GDAP1L1: variants seen among roughly 807,000 people sequenced by gnomAD.
The protein encoded by GDAP1L1 is ganglioside-induced differentiation-associated protein 1-like 1.
In GDAP1L1, 21 loss-of-function variants were observed where a neutral mutation model predicts 37.1. The observed-to-expected ratio is 0.57, with a 90% confidence interval of 0.40 to 0.81. The LOEUF (loss-of-function observed/expected upper bound fraction) is 0.81, where lower values mean the gene tolerates loss of function less well. Ranked by LOEUF, GDAP1L1 falls within the 40% of genes least tolerant of loss-of-function variation. GDAP1L1 has a pLI of 0.00. For missense variants in GDAP1L1, 362 were observed against 491.6 expected (o/e 0.74, Z 2.49); for synonymous variants, 193 against 209.1 (o/e 0.92, Z 0.67).
chr20:44,266,982 T>A (rs982680410), intron 5 of GDAP1L1, among the ~76,000 whole-genome samples: 2 of 152,168 alleles, frequency 1.3e-5, no homozygotes, highest in Non-Finnish European at 1.5e-5. Context: ...ATTCTCAGAA[T>A]GTTTTAAGGA....
intron 3 of GDAP1L1, among the ~76,000 whole-genome samples, chr20:44,259,986 G>A (rs2073642473): frequency 6.6e-6 from 1 of 152,108 alleles, no homozygotes; most frequent in Non-Finnish European, 1.5e-5. Context: ...GTTTGAATGC[G>A]CTCTCAGGAG....
At chr20:44,277,554 TC>T (rs2062596667) in intron 5 of GDAP1L1, among the ~76,000 whole-genome samples, 1 of 152,182 alleles carries the variant, frequency 6.6e-6, no homozygotes, top group Non-Finnish European at 1.5e-5. Context: ...TGGGAGGGTT[TC>T]CGCTTTTACT....
intron 1 of GDAP1L1, among the ~76,000 whole-genome samples, chr20:44,249,656 G>A (rs1024490970): frequency 9.2e-5 from 14 of 152,232 alleles, no homozygotes; most frequent in African/African-American, 3.4e-4. Flanking sequence ...TCAGGGCTGA[G>A]GTGGCCCCTG....
chr20:44,253,344 T>C (rs1477240144), intron 1 of GDAP1L1, among the ~76,000 whole-genome samples: 1 of 152,216 alleles, frequency 6.6e-6, no homozygotes, highest in Non-Finnish European at 1.5e-5. Flanking sequence ...TAAGGTGTTA[T>C]GTTAAAAAGC....
intron 4 of GDAP1L1, 69 bp from the exon 5 acceptor site, chr20:44,264,376 C>T: frequency 1.4e-6 from 2 of 1,386,564 alleles, no homozygotes; most frequent in African/African-American, 1.4e-5. Flanking sequence ...AGCAAAGCTC[C>T]TTCCATCCCT....
chr20:44,261,227 C>T (rs2073668743), intron 3 of GDAP1L1, among the ~76,000 whole-genome samples: 1 of 152,222 alleles, frequency 6.6e-6, no homozygotes, highest in Admixed American at 6.5e-5. Context: ...AGTCTCAAGT[C>T]TTCTCTTGGG....
chr20:44,276,535 T>A (rs1226657188), intron 5 of GDAP1L1, among the ~76,000 whole-genome samples: 1 of 152,170 alleles, frequency 6.6e-6, no homozygotes, highest in Non-Finnish European at 1.5e-5. Context: ...TGGGAGCAGA[T>A]ACTTTGACGG....
chr20:44,249,721 G>C (rs2073402687), intron 1 of GDAP1L1, among the ~76,000 whole-genome samples: 1 of 152,220 alleles, frequency 6.6e-6, no homozygotes, highest in Non-Finnish European at 1.5e-5. Context: ...CTCTGGCCAA[G>C]CTAACCTGGG....
At chr20:44,263,857 T>A (rs577129088) in intron 4 of GDAP1L1, among the ~76,000 whole-genome samples, 286 of 151,270 alleles carry the variant, frequency 1.9e-3, no homozygotes, top group Non-Finnish European at 3.6e-3. Flanking sequence ...TAATAATAAT[T>A]ATAATAAATA....
intron 2 of GDAP1L1, chr20:44,258,147 C>G: frequency 1.4e-6 from 1 of 717,416 alleles, no homozygotes; most frequent in Non-Finnish European, 2.6e-6. Context: ...CATTGAGCAC[C>G]CAGGTTGCAG....
In GDAP1L1 at chr20:44,258,566, C is replaced by T. The variant is rs1035105310; in HGVS notation, c.506C>T (p.Thr169Ile). 6.3e-7 allele frequency: 1 copy of T among 1,599,818 alleles called. No homozygotes were observed. Among genetic ancestry groups the T allele is most frequent in the Non-Finnish European group, 8.5e-7 (1 of 1,174,086 alleles). Residue 169 changes from threonine to isoleucine, a missense_variant, in exon 3 of 6, where the codon ACC becomes ATC. Coordinates refer to ENST00000342560, the MANE Select transcript of GDAP1L1 (RefSeq NM_024034.6). Reference protein sequence around the residue: ...HGCILHPELTTDSMIPKYATA... With the variant: ...HGCILHPELTIDSMIPKYATA... ...TGCATCCTGCATCCCGAGCTCACCA[C>T]CGACTCCATGATCCCCAAGTACGCC...
At chr20:44,247,541 G>T in intron 1 of GDAP1L1, 27 bp downstream of exon 1, 1 of 1,469,542 alleles carries the variant, frequency 6.8e-7, no homozygotes, top group Non-Finnish European at 9.0e-7. Flanking sequence ...AGCCGCCTGC[G>T]CCGGTGGCCA....
rs60318296 is a variant in GDAP1L1, at chr20:44,255,541, CAAAAAAAAAAAAAAAAA to C, written c.181-1598_181-1582del. 1.7e-4 allele frequency among the ~76,000 whole-genome samples: 8 copies of C among 45,770 alleles called. No individual in the cohort carries two copies. In the East Asian group the frequency reaches 2.2e-3, roughly 12 times the overall value. 30.0% of individuals were successfully genotyped at this position (45,770 alleles called of 152,430 possible). On this transcript the variant is annotated intron_variant, in intron 1 of 5. Coordinates refer to ENST00000342560, the MANE Select transcript of GDAP1L1 (RefSeq NM_024034.6). The stretch of plus-strand genomic sequence containing the variant: ...TGAGCAACAGAGCGAGACTCTGTCT[CAAAAAAAAAAAAAAAAA>C]AAAAAAAAAAAAAGTAAAGCTACTT...
At chr20:44,269,110 T>C (rs553393500) in intron 5 of GDAP1L1, among the ~76,000 whole-genome samples, 1 of 152,316 alleles carries the variant, frequency 6.6e-6, no homozygotes, top group East Asian at 1.9e-4. Context: ...AAATGTTGAT[T>C]ACTTTGCACA....
Position 44,280,621 on chromosome 20 carries a change from C to T in GDAP1L1, c.*1321C>T, listed in dbSNP as rs930699830. 1.3e-5 allele frequency: 2 copies of T among 152,214 alleles called. No homozygotes were observed. Among genetic ancestry groups the T allele is most frequent in the Non-Finnish European group, 2.9e-5 (2 of 68,042 alleles). 9.4% of individuals were successfully genotyped at this position (152,214 alleles called of 1,614,324 possible). A position where few individuals can be genotyped will look rare whatever the true frequency, so the allele number is the denominator to read the frequency against. ...CAGGTTACAGGGCATGTGTACAACC[C>T]TTTGTTCTCATTAACCTGTGCAAGG... On this transcript the variant is annotated 3_prime_UTR_variant, in exon 6 of 6. Coordinates refer to ENST00000342560, the MANE Select transcript of GDAP1L1 (RefSeq NM_024034.6).
chr20:44,267,159 G>T (rs149390531), intron 5 of GDAP1L1, among the ~76,000 whole-genome samples: 1 of 152,282 alleles, frequency 6.6e-6, no homozygotes, highest in East Asian at 1.9e-4. Flanking sequence ...AGAGCTTACT[G>T]TGTGTCAGGC....
chr20:44,256,714 TA>T (rs568560705), intron 1 of GDAP1L1, among the ~76,000 whole-genome samples: 218 of 152,052 alleles, frequency 1.4e-3, no homozygotes, highest in African/African-American at 4.9e-3. Flanking sequence ...GATCTACTCC[TA>T]GGGGCCAGGC....
chr20:44,264,721 C>T (rs536156596), intron 5 of GDAP1L1, 162 bp downstream of exon 5: 3 of 1,406,080 alleles, frequency 2.1e-6, no homozygotes, highest in African/African-American at 1.4e-5. Context: ...ATAACTTGGC[C>T]ACTTCCTAGC....
intron 5 of GDAP1L1, among the ~76,000 whole-genome samples, chr20:44,272,090 T>C (rs1486816465): frequency 6.6e-6 from 1 of 152,142 alleles, no homozygotes; most frequent in Admixed American, 6.5e-5. Context: ...TTGCCTAACT[T>C]TCCGAAGCCA....
Sources: allele counts gnomAD v4.1 joint callset (sites outside exome capture counted in the v4.1 genomes callset), GRCh38; gene constraint gnomAD v4.1.1; transcripts MANE v1.5; gene names NCBI Gene and HGNC (gene_info 2026-07-23, HGNC 2026-07-21).